Variants in FLNB observed in about 807,000 individuals in gnomAD.
FLNB encodes the protein filamin-B.
FLNB carries 111 observed loss-of-function variants against 250.6 expected under a neutral mutation model. That is an observed-to-expected ratio of 0.44 (90% CI 0.38 to 0.52). FLNB has a LOEUF of 0.52. FLNB is among the 20% of genes least tolerant of loss of function. The pLI is 0.00. For missense variants in FLNB, 2,869 were observed against 3,447.8 expected (o/e 0.83, Z 4.20); for synonymous variants, 1,302 against 1,372.1 (o/e 0.95, Z 1.13).
At chr3:58,122,569 G>GTGGT (rs1559709352) in intron 20 of FLNB, among the ~76,000 whole-genome samples, 2 of 152,094 alleles carry the variant, frequency 1.3e-5, no homozygotes, top group African/African-American at 4.8e-5. Flanking sequence ...AAGATTTCCA[G>GTGGT]TGGTCTCAAT....
At chr3:58,023,273 A>G (rs181531068) in intron 1 of FLNB, among the ~76,000 whole-genome samples, 2 of 151,808 alleles carry the variant, frequency 1.3e-5, no homozygotes, top group East Asian at 1.9e-4. Flanking sequence ...TAATTTTTGT[A>G]TTTTTATAGA....
chr3:58,061,348 A>G lies in FLNB; in HGVS notation c.293-15698A>G, dbSNP rs559706878. 2.0e-4 allele frequency among the ~76,000 whole-genome samples: 30 copies of G among 152,290 alleles called. No individual in the cohort carries two copies. The South Asian group carries it at 6.2e-3, about 32-fold the overall frequency. ...CACGTTAGTACCTATAGATCCTGAC[A>G]AGCAATTTTGTTAAGATGAAGAGTT... On this transcript the variant is annotated intron_variant, in intron 1 of 45. Coordinates refer to ENST00000295956, the MANE Select transcript of FLNB (RefSeq NM_001457.4).
Position 58,148,345 on chromosome 3 carries a change from G to A in FLNB, c.5868G>A (p.Arg1956=). Residue 1956 remains arginine, a synonymous_variant, in exon 35 of 46, where the codon AGG becomes AGA. Coordinates refer to ENST00000295956, the MANE Select transcript of FLNB (RefSeq NM_001457.4). ...SGRDEPCLLK[R]LPNNHIGISF... ...GAGACGAGCCCTGTCTCCTGAAGAG[G>A]CTGCCCAACAACCACATTGGTGAGC... 2 of 1,613,782 alleles carry A rather than the reference G, an allele frequency of 1.2e-6. No individual in the cohort carries two copies. The highest frequency in any genetic ancestry group is 1.7e-6 in the Non-Finnish European group (2 of 1,179,898).
intron 3 of FLNB, among the ~76,000 whole-genome samples, chr3:58,079,354 G>T (rs1419544600): frequency 6.6e-6 from 1 of 151,546 alleles, no homozygotes; most frequent in African/African-American, 2.4e-5. Context: ...CCGGGTTCAA[G>T]CAATTCTCCT....
chr3:58,036,958 C>T (rs2097138949), intron 1 of FLNB, among the ~76,000 whole-genome samples: 1 of 150,660 alleles, frequency 6.6e-6, no homozygotes, highest in Non-Finnish European at 1.5e-5. Context: ...TCAGGGTCAT[C>T]AAATAGCACC....
At chr3:58,168,304 T>A (rs1387120622) in intron 43 of FLNB, 136 bp from the exon 44 acceptor site, 16 of 738,274 alleles carry the variant, frequency 2.2e-5, no homozygotes, top group Non-Finnish European at 3.9e-5. Context: ...AGTTCAGAGC[T>A]AGTGCCAGTG....
intron 1 of FLNB, among the ~76,000 whole-genome samples, chr3:58,040,784 C>G (rs1418387929): frequency 6.6e-6 from 1 of 152,170 alleles, no homozygotes; most frequent in Non-Finnish European, 1.5e-5. Flanking sequence ...CGTGAGCCAC[C>G]GTCCCCAGCC....
At chr3:58,163,103 A>G (rs2097364361) in intron 42 of FLNB, 51 bp from the exon 43 acceptor site, 1 of 1,573,844 alleles carries the variant, frequency 6.4e-7, no homozygotes, top group Admixed American at 1.7e-5. Flanking sequence ...CACTGAACTC[A>G]GGGGTGTCCA....
intron 3 of FLNB, among the ~76,000 whole-genome samples, chr3:58,081,063 G>A (rs2106963453): frequency 6.6e-6 from 1 of 152,154 alleles, no homozygotes; most frequent in East Asian, 1.9e-4. Flanking sequence ...CTAAAGTGAT[G>A]GGATTACAGT....
intron 1 of FLNB, among the ~76,000 whole-genome samples, chr3:58,074,780 G>A (rs930596524): frequency 2.2e-4 from 33 of 152,196 alleles, no homozygotes; most frequent in African/African-American, 7.2e-4. Context: ...GTCCTGCTTC[G>A]AAGTTATTAT....
intron 25 of FLNB, chr3:58,132,272 C>A (rs1199809987): frequency 4.0e-6 from 2 of 497,326 alleles, no homozygotes; most frequent in Admixed American, 6.9e-5. Context: ...CTTGAGGGTC[C>A]CCTTGCCCCA....
chr3:58,143,331 T>C (rs1191050770), intron 31 of FLNB, 142 bp from the exon 32 acceptor site: 2 of 844,004 alleles, frequency 2.4e-6, no homozygotes, highest in Non-Finnish European at 1.9e-6. Flanking sequence ...TCTCTCCCAT[T>C]GTGGGACTTG....
intron 1 of FLNB, among the ~76,000 whole-genome samples, chr3:58,075,650 G>A (rs2097200687): frequency 6.6e-6 from 1 of 152,192 alleles, no homozygotes; most frequent in South Asian, 2.1e-4. Context: ...CTGGGGTTAT[G>A]TGAACAGTGA....
In FLNB at chr3:58,098,748, TC is replaced by T; in HGVS notation, c.1189del (p.Gln397ArgfsTer93). 6.2e-7 allele frequency: 1 copy of T among 1,613,984 alleles called. No homozygotes were observed. The highest frequency in any genetic ancestry group is 2.2e-5 in the East Asian group (1 of 44,866). On this transcript the variant is annotated frameshift_variant, in exon 8 of 46. Coordinates refer to ENST00000295956, the MANE Select transcript of FLNB (RefSeq NM_001457.4). LOFTEE classifies it high-confidence loss of function. Reference protein sequence around the residue: ...VGDIGVEVEDPQGKNTVELLV... With the variant: ...VGDIGVEVEDXQGKNTVELLV... ...GTGACATTGGTGTGGAGGTGGAAGA[TC>T]CCCAGGGGAAGAACACCGTGGAGTT...
At chr3:58,138,780 C>G (rs2107235012) in intron 29 of FLNB, among the ~76,000 whole-genome samples, 1 of 152,338 alleles carries the variant, frequency 6.6e-6, no homozygotes, top group Middle Eastern at 3.4e-3. Flanking sequence ...GGGCAATATC[C>G]TGGCCTAAGC....
chr3:58,104,480 CA>C (rs1181299794), intron 10 of FLNB, among the ~76,000 whole-genome samples: 1 of 152,230 alleles, frequency 6.6e-6, no homozygotes, highest in East Asian at 1.9e-4. Context: ...TGAGTGCTGT[CA>C]GGGGCCAAGG....
At chr3:58,097,743 A>G in intron 6 of FLNB, 72 bp from the exon 7 acceptor site, 2 of 1,414,934 alleles carry the variant, frequency 1.4e-6, no homozygotes, top group Non-Finnish European at 2.0e-6. Flanking sequence ...TCATCAATGT[A>G]TGTGGCTTGA....
At chr3:58,139,422 G>A (rs192300036) in intron 29 of FLNB, among the ~76,000 whole-genome samples, 52 of 152,238 alleles carry the variant, frequency 3.4e-4, no homozygotes, top group African/African-American at 1.1e-3. Flanking sequence ...GTGCACAGCC[G>A]ACAAAGCACC....
chr3:58,024,376 G>A (rs995674164), intron 1 of FLNB, among the ~76,000 whole-genome samples: 2 of 152,188 alleles, frequency 1.3e-5, no homozygotes, highest in Non-Finnish European at 2.9e-5. Flanking sequence ...GTCCTTGGAG[G>A]TGGTGGTGGG....
Sources: allele counts gnomAD v4.1 joint callset (sites outside exome capture counted in the v4.1 genomes callset), GRCh38; gene constraint gnomAD v4.1.1; transcripts MANE v1.5; gene names NCBI Gene and HGNC (gene_info 2026-07-23, HGNC 2026-07-21).